The following DSCAML1 variants were observed in gnomAD, a reference collection of about 807,000 sequenced individuals.
DSCAML1 encodes the protein cell adhesion molecule DSCAML1.
A neutral mutation model predicts 200.5 loss-of-function variants in DSCAML1; 38 were observed. The observed-to-expected ratio is 0.19, with a 90% CI of 0.15 to 0.25. The LOEUF is 0.25. Among genes scored for constraint, DSCAML1 ranks in the 10% least tolerant of loss-of-function variants. The pLI is 1.00. For synonymous variants in DSCAML1, 1,215 were observed against 1,165.0 expected (o/e 1.04, Z -0.87); for missense variants, 2,223 against 2,858.8 (o/e 0.78, Z 5.07).
chr11:117,693,016 G>A (rs1236156859), intron 3 of DSCAML1, among the ~76,000 whole-genome samples: 2 of 152,188 alleles, frequency 1.3e-5, no homozygotes, highest in Admixed American at 6.5e-5. Flanking sequence ...CCCTCCAAAA[G>A]TGTGATGCTT....
intron 3 of DSCAML1, among the ~76,000 whole-genome samples, chr11:117,589,142 T>G (rs1194073840): frequency 6.6e-6 from 1 of 151,866 alleles, no homozygotes; most frequent in Non-Finnish European, 1.5e-5. Context: ...TCCACCATGG[T>G]CAAATGCAAG....
At chr11:117,639,332 G>A (rs1316798457) in intron 3 of DSCAML1, among the ~76,000 whole-genome samples, 6 of 142,988 alleles carry the variant, frequency 4.2e-5, no homozygotes, top group African/African-American at 1.5e-4. Flanking sequence ...GGATGGATGG[G>A]AGGCTGGGTG....
intron 3 of DSCAML1, among the ~76,000 whole-genome samples, chr11:117,545,037 C>A (rs1055387543): frequency 1.3e-5 from 2 of 151,852 alleles, no homozygotes; most frequent in African/African-American, 2.4e-5. Flanking sequence ...TGAGACCAGC[C>A]TGGCCAAGAT....
At chr11:117,677,283 CG>C (rs1027323877) in intron 3 of DSCAML1, among the ~76,000 whole-genome samples, 1 of 152,076 alleles carries the variant, frequency 6.6e-6, no homozygotes, top group African/African-American at 2.4e-5. Context: ...GGGCTGGGGT[CG>C]GGGGCTGGTT....
intron 3 of DSCAML1, among the ~76,000 whole-genome samples, chr11:117,714,536 G>A (rs111699592): frequency 0.01 from 1,594 of 152,202 alleles, 25 homozygotes; most frequent in African/African-American, 0.035. Context: ...GTTTCCGCTG[G>A]CTGGTGCAGT....
At chr11:117,806,047 G>T (rs1021271293) in intron 1 of DSCAML1, among the ~76,000 whole-genome samples, 1 of 152,204 alleles carries the variant, frequency 6.6e-6, no homozygotes, top group African/African-American at 2.4e-5. Flanking sequence ...CCTAGGCCCT[G>T]TTGCCTTCAG....
Position 117,505,641 on chromosome 11 carries a change from G to A in DSCAML1, c.1875C>T (p.Pro625=), listed in dbSNP as rs764324508. The change falls in exon 9 of 33, where the codon CCC becomes CCT. Residue 625 remains proline (P), a synonymous_variant. Coordinates refer to ENST00000651296, the MANE Select transcript of DSCAML1 (RefSeq NM_020693.4). This position sits in a 1 kb window ranked among gnomAD's most constrained non-coding sequence, Gnocchi z 6.7. ...CGTCCTTCCTCCAGGTGATACGGAT[G>A]GGCATGTCCCCCGAGGACACCACAC... ...IPCVVSSGDM[P]IRITWRKDGQ... 2.5e-6 allele frequency: 4 copies of A among 1,614,056 alleles called. No individual in the cohort carries two copies. In the South Asian group the frequency reaches 4.4e-5, roughly 18 times the overall value.
intron 3 of DSCAML1, among the ~76,000 whole-genome samples, chr11:117,630,658 C>CCAAAA (rs372432882): frequency 3.9e-4 from 18 of 45,588 alleles, no homozygotes; most frequent in African/African-American, 1.2e-3. Flanking sequence ...ATAAAGTGGC[C>CCAAAA]AAAAAAAAAA....
intron 11 of DSCAML1, among the ~76,000 whole-genome samples, chr11:117,484,936 TGTGTG>T (rs1460685419): frequency 2.0e-4 from 23 of 114,582 alleles, no homozygotes; most frequent in Admixed American, 6.8e-4. Context: ...TGTGTGTGTG[TGTGTG>T]TAAGTGGGGC....
At chr11:117,568,981 T>C (rs1240727886) in intron 3 of DSCAML1, among the ~76,000 whole-genome samples, 2 of 152,154 alleles carry the variant, frequency 1.3e-5, no homozygotes, top group Non-Finnish European at 2.9e-5. Context: ...ACTACAAGGC[T>C]ACAGTAAGCA....
chr11:117,584,955 A>G (rs186813671), intron 3 of DSCAML1, among the ~76,000 whole-genome samples: 1 of 152,352 alleles, frequency 6.6e-6, no homozygotes, highest in African/African-American at 2.4e-5. Context: ...CAAGTGTCCA[A>G]TACATATTAG....
At chr11:117,535,562 C>T (rs551028495) in intron 3 of DSCAML1, among the ~76,000 whole-genome samples, 1 of 152,258 alleles carries the variant, frequency 6.6e-6, no homozygotes, top group South Asian at 2.1e-4. Flanking sequence ...TCAGAGGAAC[C>T]GAGGAAGCAC....
At chr11:117,661,172 T>A (rs643758) in intron 3 of DSCAML1, among the ~76,000 whole-genome samples, 97,829 of 151,954 alleles carry the variant, frequency 0.64, 31,884 homozygotes, top group East Asian at 0.75. Context: ...CTCAGCCTTC[T>A]CCGGGTTGAT....
intron 3 of DSCAML1, among the ~76,000 whole-genome samples, chr11:117,628,721 C>G (rs1324137282): frequency 6.6e-6 from 1 of 152,160 alleles, no homozygotes; most frequent in Non-Finnish European, 1.5e-5. Flanking sequence ...TGGACACTTC[C>G]ATGGGAAGGG....
At chr11:117,769,556 A>AT (rs1565274401) in intron 3 of DSCAML1, among the ~76,000 whole-genome samples, 5 of 105,064 alleles carry the variant, frequency 4.8e-5, no homozygotes, top group African/African-American at 7.6e-5. Context: ...TTTTATATAT[A>AT]TATTTTATAT....
At chr11:117,696,963 C>T (rs1335816206) in intron 3 of DSCAML1, among the ~76,000 whole-genome samples, 1 of 152,234 alleles carries the variant, frequency 6.6e-6, no homozygotes, top group Non-Finnish European at 1.5e-5. Context: ...CCTCCACAGA[C>T]TCTTCAGGGA....
At position 117,780,252 on chromosome 11, in the gene DSCAML1, G is replaced by GAA. The variant is rs745945994; in HGVS notation, c.364+239_364+240dup. 1.1e-4 allele frequency among the ~76,000 whole-genome samples: 8 copies of GAA among 70,244 alleles called. No individual in the cohort carries two copies. Among genetic ancestry groups the GAA allele is most frequent in the African/African-American group, 3.9e-4 (7 of 17,808 alleles). 46.1% of individuals were successfully genotyped at this position (70,244 alleles called of 152,430 possible). On this transcript the variant is annotated intron_variant, in intron 2 of 32. Transcript: ENST00000651296. The surrounding 1 kb of genome is among the most constrained non-coding windows in gnomAD (Gnocchi z 4.8). ...GAAAGGAAAGAAAGAAAGAAAGAAA[G>GAA]AAAGAAAGAAAGAAAGAAAGAAAGA...
At chr11:117,435,226 C>A (rs555377350) in intron 27 of DSCAML1, among the ~76,000 whole-genome samples, 40 of 152,334 alleles carry the variant, frequency 2.6e-4, no homozygotes, top group African/African-American at 7.2e-4. Context: ...CCAGTTAGAA[C>A]TGAGCATTGT....
At chr11:117,587,256 C>CCA (rs76189938) in intron 3 of DSCAML1, among the ~76,000 whole-genome samples, 1 of 148,720 alleles carries the variant, frequency 6.7e-6, no homozygotes, top group Non-Finnish European at 1.5e-5. Flanking sequence ...CTTTCCAACC[C>CCA]CCCCCCACGA....
Sources: allele counts gnomAD v4.1 joint callset (sites outside exome capture counted in the v4.1 genomes callset), GRCh38; gene constraint gnomAD v4.1.1; non-coding constraint Gnocchi (gnomAD v3.1); transcripts MANE v1.5; gene names NCBI Gene and HGNC (gene_info 2026-07-23, HGNC 2026-07-21).